GRIP1: variants seen among roughly 807,000 people sequenced by gnomAD.
GRIP1 encodes the protein glutamate receptor interacting protein 1, also known as glutamate receptor-interacting protein 1.
Under a neutral mutation model 129.9 loss-of-function variants are expected in GRIP1, and 45 were observed. The ratio of observed to expected loss-of-function variants is 0.35; its 90% CI spans 0.27 to 0.44. The LOEUF is 0.44. Ranked by LOEUF, GRIP1 falls within the 20% of genes least tolerant of loss-of-function variation. The probability of loss-of-function intolerance (pLI) is 1.00; values close to 1 mark genes in which losing one functional copy is unlikely to be tolerated. For missense variants in GRIP1, 1,196 were observed against 1,396.8 expected, an observed-to-expected ratio of 0.86 and a Z score of 2.29; for synonymous variants, 530 against 520.8, an observed-to-expected ratio of 1.02 and a Z score of -0.24.
chr12:66,682,656 T>A (rs1592739214), upstream of GRIP1, among the ~76,000 whole-genome samples: 2 of 152,038 alleles, frequency 1.3e-5, no homozygotes, highest in African/African-American at 4.8e-5. Flanking sequence ...AACATCTCCA[T>A]CCCAAAAATA....
At chr12:66,471,356 AAGTACAATTAGT>A (rs1383007285) in intron 7 of GRIP1, among the ~76,000 whole-genome samples, 4 of 152,200 alleles carry the variant, frequency 2.6e-5, no homozygotes, top group African/African-American at 9.7e-5. Flanking sequence ...CAGAAAGTAG[AAGTACAATTAGT>A]AGTTACCAGG....
chr12:66,965,393 C>A (rs979968997), intron 1 of GRIP1, among the ~76,000 whole-genome samples: 1 of 151,932 alleles, frequency 6.6e-6, no homozygotes, highest in African/African-American at 2.4e-5. Context: ...AAAATATTTT[C>A]CCTCATAATA....
intron 1 of GRIP1, among the ~76,000 whole-genome samples, chr12:66,829,069 T>C (rs2039469927): frequency 6.6e-6 from 1 of 152,208 alleles, no homozygotes; most frequent in Non-Finnish European, 1.5e-5. Context: ...AAATATTATC[T>C]TTTATGGCAA....
At chr12:66,632,941 G>A (rs1220888116) in intron 1 of GRIP1, among the ~76,000 whole-genome samples, 1 of 152,056 alleles carries the variant, frequency 6.6e-6, no homozygotes, top group African/African-American at 2.4e-5. Context: ...CAGGGTATAA[G>A]TGACTTGCTT....
At chr12:66,889,449 G>T (rs903333857) in intron 1 of GRIP1, among the ~76,000 whole-genome samples, 7 of 152,174 alleles carry the variant, frequency 4.6e-5, no homozygotes, top group Admixed American at 2.6e-4. Context: ...CAACAAGAGT[G>T]AAACTCTGTC....
chr12:66,455,193 T>C (rs973205745), intron 11 of GRIP1, among the ~76,000 whole-genome samples: 9 of 152,318 alleles, frequency 5.9e-5, no homozygotes, highest in Non-Finnish European at 2.9e-5. Context: ...GTAGTATGAA[T>C]GAATTCAGTC....
chr12:66,956,359 A>G (rs996885521), intron 1 of GRIP1, among the ~76,000 whole-genome samples: 2 of 152,150 alleles, frequency 1.3e-5, no homozygotes, highest in Non-Finnish European at 2.9e-5. Context: ...GTGGTGAGGT[A>G]AATTACCCTC....
intron 1 of GRIP1, among the ~76,000 whole-genome samples, chr12:66,604,125 G>C (rs922851954): frequency 1.3e-5 from 2 of 152,148 alleles, no homozygotes; most frequent in Non-Finnish European, 2.9e-5. Context: ...AAGGGCTCCA[G>C]CACAGAACCC....
At chr12:66,998,883 C>T (rs921495751) in intron 1 of GRIP1, among the ~76,000 whole-genome samples, 1 of 152,126 alleles carries the variant, frequency 6.6e-6, no homozygotes, top group Non-Finnish European at 1.5e-5. Flanking sequence ...AAAACATGCT[C>T]CAATGCCTTC....
At chr12:66,402,271 T>C (rs2057029828) in intron 16 of GRIP1, among the ~76,000 whole-genome samples, 2 of 152,250 alleles carry the variant, frequency 1.3e-5, no homozygotes, top group African/African-American at 2.4e-5. Context: ...TGTTAATTAT[T>C]GATTTTCTTG....
chr12:66,708,682 T>A (rs1279137296), intron 1 of GRIP1, among the ~76,000 whole-genome samples: 1 of 152,068 alleles, frequency 6.6e-6, no homozygotes, highest in African/African-American at 2.4e-5. Flanking sequence ...ATACTTTTTT[T>A]ATTATACTTT....
chr12:66,995,034 A>C (rs1201177994), intron 1 of GRIP1, among the ~76,000 whole-genome samples: 1 of 152,084 alleles, frequency 6.6e-6, no homozygotes, highest in Non-Finnish European at 1.5e-5. Context: ...CCAGAAATAA[A>C]CCCTTACGTT....
At chr12:66,736,916 C>CAT (rs1351571151) in intron 1 of GRIP1, among the ~76,000 whole-genome samples, 1 of 125,136 alleles carries the variant, frequency 8.0e-6, no homozygotes, top group East Asian at 2.9e-4. Flanking sequence ...GTTTGCAAGT[C>CAT]ATTTTTTTTT....
chr12:66,995,890 T>C (rs937396974), intron 1 of GRIP1, among the ~76,000 whole-genome samples: 1 of 152,180 alleles, frequency 6.6e-6, no homozygotes, highest in Non-Finnish European at 1.5e-5. Context: ...TATACCTGCA[T>C]TATTCATAAT....
intron 14 of GRIP1, among the ~76,000 whole-genome samples, chr12:66,424,196 G>A (rs762909246): frequency 9.2e-5 from 14 of 152,098 alleles, no homozygotes; most frequent in Non-Finnish European, 2.1e-4. Flanking sequence ...TTTTATCCCG[G>A]ATCACAAGAA....
chr12:66,936,246 C>T (rs2041482225), intron 1 of GRIP1, among the ~76,000 whole-genome samples: 1 of 151,974 alleles, frequency 6.6e-6, no homozygotes, highest in South Asian at 2.1e-4. Flanking sequence ...ATAGTGAGAC[C>T]TTGTCTCTAC....
intron 1 of GRIP1, among the ~76,000 whole-genome samples, chr12:66,865,775 A>G (rs187482948): frequency 1.3e-5 from 2 of 152,308 alleles, no homozygotes; most frequent in African/African-American, 4.8e-5. Context: ...AGCAAAACAT[A>G]CAAATGCAAA....
intron 13 of GRIP1, among the ~76,000 whole-genome samples, chr12:66,436,323 TG>T (rs1317161255): frequency 6.6e-6 from 1 of 152,096 alleles, no homozygotes; most frequent in Non-Finnish European, 1.5e-5. Context: ...AGAAAGGCAC[TG>T]GGGGCTCCAT....
intron 1 of GRIP1, among the ~76,000 whole-genome samples, chr12:66,705,200 T>C (rs2035485360): frequency 6.6e-6 from 1 of 152,100 alleles, no homozygotes; most frequent in Admixed American, 6.6e-5. Flanking sequence ...ATGGAAGCCA[T>C]TCAAAACAGC....
Sources: gnomAD v4.1 joint callset for allele counts (sites outside exome capture counted in the v4.1 genomes callset) on GRCh38, gnomAD v4.1.1 for gene constraint, MANE v1.5 for transcripts, NCBI Gene and HGNC (gene_info 2026-07-23, HGNC 2026-07-21) for gene names.